Variants in CNTNAP2 observed in about 807,000 individuals in gnomAD.
CNTNAP2 encodes the protein contactin-associated protein-like 2.
CNTNAP2 carries 98 observed loss-of-function variants against 155.2 expected under a neutral mutation model. The observed-to-expected ratio is 0.63, with a 90% CI of 0.54 to 0.75. The LOEUF is 0.75. Ranked by LOEUF, CNTNAP2 falls within the 30% of genes least tolerant of loss-of-function variation. The probability of loss-of-function intolerance (pLI) is 0.00; values close to 1 mark genes in which losing one functional copy is unlikely to be tolerated. For synonymous variants in CNTNAP2, 651 were observed against 631.2 expected (o/e 1.03, Z -0.47); for missense variants, 1,727 against 1,688.1 (o/e 1.02, Z -0.40).
chr7:147,081,499 C>T (rs1427071803), intron 4 of CNTNAP2: 1 of 150,516 alleles, frequency 6.6e-6, no homozygotes. Flanking sequence ...TCACCACCTT[C>T]TCCGCCTCCC....
intron 1 of CNTNAP2, among the ~76,000 whole-genome samples, chr7:146,529,039 TG>T (rs1797730996): frequency 6.6e-6 from 1 of 151,812 alleles, no homozygotes; most frequent in African/African-American, 2.4e-5. Context: ...AAATGCATTT[TG>T]GTGTACACTG....
chr7:146,725,131 C>A (rs1236486394), intron 1 of CNTNAP2, among the ~76,000 whole-genome samples: 5 of 150,750 alleles, frequency 3.3e-5, no homozygotes, highest in Non-Finnish European at 5.9e-5. Flanking sequence ...GGCCTCCATG[C>A]TCACTCACAT....
intron 2 of CNTNAP2, among the ~76,000 whole-genome samples, chr7:146,837,323 C>A (rs983862357): frequency 6.6e-6 from 1 of 151,944 alleles, no homozygotes; most frequent in African/African-American, 2.4e-5. Flanking sequence ...ATGATGTTTT[C>A]TTCTGTGTCT....
chr7:146,401,222 T>G (rs968868072), intron 1 of CNTNAP2, among the ~76,000 whole-genome samples: 1 of 152,130 alleles, frequency 6.6e-6, no homozygotes, highest in South Asian at 2.1e-4. Context: ...AGAAATCACT[T>G]TGTAGAATAA....
At chr7:148,322,786 TGTTTTTTGGG>T (rs1252692464) in intron 21 of CNTNAP2, among the ~76,000 whole-genome samples, 2 of 137,162 alleles carry the variant, frequency 1.5e-5, no homozygotes, top group Non-Finnish European at 3.1e-5. Context: ...TTTGTTTTGT[TGTTTTTTGGG>T]GTTTTTTTTT....
At chr7:147,423,588 T>G (rs1797332600) in intron 10 of CNTNAP2, among the ~76,000 whole-genome samples, 1 of 152,176 alleles carries the variant, frequency 6.6e-6, no homozygotes, top group East Asian at 1.9e-4. Flanking sequence ...CACTGCTCCA[T>G]GATCCAATAA....
At chr7:146,569,311 GC>G (rs1282880759) in intron 1 of CNTNAP2, among the ~76,000 whole-genome samples, 1 of 152,116 alleles carries the variant, frequency 6.6e-6, no homozygotes, top group African/African-American at 2.4e-5. Flanking sequence ...GAGCCGCCGC[GC>G]CCGGCCTCTC....
At chr7:146,523,116 A>G (rs1268295239) in intron 1 of CNTNAP2, among the ~76,000 whole-genome samples, 1 of 152,026 alleles carries the variant, frequency 6.6e-6, no homozygotes, top group East Asian at 1.9e-4. Context: ...ATACTGCACC[A>G]TCTGTGTTGT....
intron 3 of CNTNAP2, among the ~76,000 whole-genome samples, chr7:146,993,645 G>C (rs2372806): frequency 1.3e-5 from 2 of 151,840 alleles, no homozygotes; most frequent in Non-Finnish European, 2.9e-5. Flanking sequence ...CTCAAGCCTT[G>C]TTACTACCTA....
intron 1 of CNTNAP2, among the ~76,000 whole-genome samples, chr7:146,371,230 CT>C (rs1321034781): frequency 6.6e-6 from 1 of 151,834 alleles, no homozygotes; most frequent in African/African-American, 2.4e-5. Flanking sequence ...TGATAGGAGC[CT>C]CAATAATGAG....
chr7:147,291,197 G>A (rs34490520), intron 8 of CNTNAP2, among the ~76,000 whole-genome samples: 5,215 of 151,696 alleles, frequency 0.034, 122 homozygotes, highest in Non-Finnish European at 0.052. Flanking sequence ...TACATGTGCC[G>A]AACGTACAGG....
intron 1 of CNTNAP2, among the ~76,000 whole-genome samples, chr7:146,568,476 T>C (rs1054492533): frequency 6.6e-6 from 1 of 152,350 alleles, no homozygotes. Flanking sequence ...ACCTCTTTCA[T>C]TGCTTAATGT....
rs369577371 is a variant in CNTNAP2 at position 146,773,096 on chromosome 7, G to T, written c.98-1175G>T. Among the ~76,000 whole-genome samples, 7 of 152,196 alleles carry T rather than the reference G, an allele frequency of 4.6e-5. No homozygotes were observed. In the East Asian group the frequency reaches 1.4e-3, roughly 29 times the overall value. On this transcript the variant is annotated intron_variant, in intron 1 of 23. Coordinates refer to ENST00000361727, the MANE Select transcript of CNTNAP2 (RefSeq NM_014141.6). ...ATGCCATTTCCCAGAGACCCAGAGA[G>T]GGACGGTAGACTCAGAACAGTCCTG...
At chr7:146,413,051 C>T (rs192197474) in intron 1 of CNTNAP2, among the ~76,000 whole-genome samples, 313 of 151,780 alleles carry the variant, frequency 2.1e-3, no homozygotes, top group Non-Finnish European at 3.2e-3. Context: ...ACACAAACTG[C>T]GTTGCAGAGC....
rs562131426 is a variant in CNTNAP2 at position 146,820,742 on chromosome 7, A to T, written c.209-18969A>T. On this transcript the variant is annotated intron_variant, in intron 2 of 23. Transcript: ENST00000361727. ...TCCTTGTTAACTTTGTGTCTCGCTG[A>T]TCTGTCTAATGTTGACAGTGGGGTG... 4.6e-5 allele frequency among the ~76,000 whole-genome samples: 7 copies of T among 152,250 alleles called. No homozygotes were observed. The South Asian group carries it at 1.0e-3, about 23-fold the overall frequency.
chr7:148,117,941 A>G (rs1256936596), intron 15 of CNTNAP2, among the ~76,000 whole-genome samples, 177 bp from the exon 16 acceptor site: 4 of 151,916 alleles, frequency 2.6e-5, no homozygotes, highest in Non-Finnish European at 5.9e-5. Flanking sequence ...CACACATATA[A>G]CTTTTGGAAA....
chr7:147,757,826 TG>T (rs1219580876), intron 13 of CNTNAP2, among the ~76,000 whole-genome samples: 2 of 152,246 alleles, frequency 1.3e-5, no homozygotes, highest in East Asian at 3.9e-4. Flanking sequence ...ATATGGCAAA[TG>T]TAATTCTTTG....
At chr7:146,809,360 GTTTGT>G (rs1315409773) in intron 2 of CNTNAP2, among the ~76,000 whole-genome samples, 2 of 150,692 alleles carry the variant, frequency 1.3e-5, no homozygotes, top group Non-Finnish European at 3.0e-5. Flanking sequence ...TTTTTCATTT[GTTTGT>G]TTTGTTTTGT....
chr7:146,252,897 T>TGCC (rs1799778210), intron 1 of CNTNAP2, among the ~76,000 whole-genome samples: 1 of 152,084 alleles, frequency 6.6e-6, no homozygotes, highest in Non-Finnish European at 1.5e-5. Flanking sequence ...ATGATAATAA[T>TGCC]GAGAGCAACA....
Sources: gnomAD v4.1 joint callset for allele counts (sites outside exome capture counted in the v4.1 genomes callset) on GRCh38, gnomAD v4.1.1 for gene constraint, MANE v1.5 for transcripts, NCBI Gene and HGNC (gene_info 2026-07-23, HGNC 2026-07-21) for gene names.